Variants in PCLO observed in about 807,000 individuals in gnomAD.
PCLO encodes the protein protein piccolo.
In PCLO, 82 loss-of-function variants were observed where a neutral mutation model predicts 427.5. The observed-to-expected ratio is 0.19, with a 90% confidence interval of 0.16 to 0.23. The LOEUF (loss-of-function observed/expected upper bound fraction) is 0.23. PCLO is among the 10% of genes least tolerant of loss of function. The pLI is 1.00. For missense variants in PCLO, 6,239 were observed against 6,115.9 expected, an observed-to-expected ratio of 1.02 and a Z score of -0.67; for synonymous variants, 2,357 against 2,155.4, an observed-to-expected ratio of 1.09 and a Z score of -2.59.
In PCLO at chr7:82,842,871, CA is replaced by C. The variant is rs1261935481; in HGVS notation, c.14047-1363del. 2.0e-5 allele frequency among the ~76,000 whole-genome samples: 3 copies of C among 152,092 alleles called. No individual in the cohort carries two copies. In the East Asian group the frequency reaches 5.8e-4, roughly 29 times the overall value. On this transcript the variant is annotated intron_variant, in intron 13 of 24. Coordinates refer to ENST00000333891, the MANE Select transcript of PCLO (RefSeq NM_033026.6). Reference sequence around the variant, plus strand: ...CAATGAGATATCAACTCACCCCAGTCAAAATGGCTGTTATCCAAAAGAAAAA... The same window carrying C: ...CAATGAGATATCAACTCACCCCAGTCAAATGGCTGTTATCCAAAAGAAAAA...
At chr7:82,957,035 T>C in intron 4 of PCLO, 100 bp from the exon 5 acceptor site, 2 of 1,282,298 alleles carry the variant, frequency 1.6e-6, no homozygotes, top group Admixed American at 3.6e-5. Context: ...TGAAAAATAA[T>C]TTTGGAAAAT....
At chr7:82,798,518 T>C (rs965858911) in intron 22 of PCLO, among the ~76,000 whole-genome samples, 1 of 152,194 alleles carries the variant, frequency 6.6e-6, no homozygotes, top group Non-Finnish European at 1.5e-5. Flanking sequence ...GTTGATTCCA[T>C]ATTTCTACGT....
chr7:82,892,308 C>G (rs1038866515), intron 9 of PCLO, among the ~76,000 whole-genome samples: 9 of 151,948 alleles, frequency 5.9e-5, no homozygotes, highest in African/African-American at 1.5e-4. Context: ...ACAAACCTGA[C>G]AAAAACAAGA....
intron 10 of PCLO, chr7:82,868,005 G>T: frequency 2.7e-6 from 1 of 373,230 alleles, no homozygotes; most frequent in Non-Finnish European, 5.2e-6. Context: ...ATATATATTA[G>T]AAAATCTTCA....
intron 13 of PCLO, among the ~76,000 whole-genome samples, chr7:82,844,116 T>C (rs1410943409): frequency 6.6e-6 from 1 of 152,186 alleles, no homozygotes; most frequent in African/African-American, 2.4e-5. Context: ...TTCAAATATG[T>C]TCAAATTGTA....
intron 3 of PCLO, among the ~76,000 whole-genome samples, chr7:83,070,318 C>A (rs1294649555): frequency 6.6e-6 from 1 of 152,118 alleles, no homozygotes; most frequent in Non-Finnish European, 1.5e-5. Flanking sequence ...GCAAGAACAA[C>A]CTTCTTCCGA....
At position 83,155,055 on chromosome 7, in the gene PCLO, G is replaced by T; in HGVS notation, c.1586C>A (p.Pro529His). The change falls in exon 2 of 25, where the codon CCC becomes CAC. Residue 529 changes from proline (P) to histidine (H), a missense_variant. Physicochemically the swap from Pro to His is moderately conservative, Grantham distance 77. Around this residue, in one of 5 missense-constraint regions of PCLO, gnomAD observed 4,677 missense variants for 4,468.4 expected, o/e 1.05. Coordinates refer to ENST00000333891, the MANE Select transcript of PCLO (RefSeq NM_033026.6). ...PSPQQPGSTK[P>H]PSQQPGSAKP... is the part of the protein sequence containing the mutation. ...TGCTGAGCCAGGCTGTTGAGATGGGGGTTTTGTTGAGCCAGGCTGTTGAGG... is the reference window on the plus strand; with the variant it reads ...TGCTGAGCCAGGCTGTTGAGATGGGTGTTTTGTTGAGCCAGGCTGTTGAGG... The T allele has an allele frequency of 6.2e-7, 1 of 1,613,458 alleles. No individual in the cohort carries two copies. The highest frequency in any genetic ancestry group is 8.5e-7 in the Non-Finnish European group (1 of 1,179,720).
intron 3 of PCLO, among the ~76,000 whole-genome samples, chr7:83,095,854 T>G (rs1450920819): frequency 2.6e-5 from 4 of 152,056 alleles, no homozygotes; most frequent in Non-Finnish European, 5.9e-5. Context: ...ATATGTTATT[T>G]CTTAGAATAC....
At chr7:82,800,855 G>A (rs1277269279) in intron 22 of PCLO, among the ~76,000 whole-genome samples, 1 of 151,986 alleles carries the variant, frequency 6.6e-6, no homozygotes, top group Non-Finnish European at 1.5e-5. Flanking sequence ...AAAGTGCTGG[G>A]ATTTCAGGCG....
chr7:82,955,061 C>A lies in PCLO; in HGVS notation c.5892G>T (p.Thr1964=). The A allele has an allele frequency of 6.2e-7, 1 of 1,613,772 alleles. No homozygotes were observed. Among genetic ancestry groups the A allele is most frequent in the Non-Finnish European group, 8.5e-7 (1 of 1,179,866 alleles). Residue 1964 remains threonine, a synonymous_variant, in exon 5 of 25, where the codon ACG becomes ACT. Transcript: ENST00000333891. ...GACTGCCATCTACCGATCCATTGTA[C>A]GTGTCTTCTACTAAAGATTCATAAA... is the stretch of plus-strand genomic sequence containing the variant. ...DYIYESLVED[T]YNGSVDGSLL...
At chr7:83,097,859 C>T (rs1790635123) in intron 3 of PCLO, among the ~76,000 whole-genome samples, 1 of 151,880 alleles carries the variant, frequency 6.6e-6, no homozygotes, top group Non-Finnish European at 1.5e-5. Context: ...AACATCTTCA[C>T]TATACATACT....
chr7:83,004,865 A>T (rs577034106), intron 3 of PCLO, among the ~76,000 whole-genome samples: 1 of 151,802 alleles, frequency 6.6e-6, no homozygotes, highest in Admixed American at 6.6e-5. Flanking sequence ...TGGGCAAAGG[A>T]CATGGATAGT....
At chr7:82,878,508 C>T (rs1300910479) in intron 10 of PCLO, among the ~76,000 whole-genome samples, 2 of 152,054 alleles carry the variant, frequency 1.3e-5, no homozygotes, top group Non-Finnish European at 2.9e-5. Context: ...ACCTTGCAAA[C>T]TATATTTATG....
At position 83,162,519 on chromosome 7, in the gene PCLO, C is replaced by T. The variant is rs1367507976; in HGVS notation, c.74G>A (p.Gly25Glu). ...GLAAAAAAGG[G>E]ASGAGSPSHT... ...AGAGGGGCTCCCCGCCCCGCTAGCT[C>T]CTCCTCCAGCCGCTGCGGCCGCCGC... The change falls in exon 1 of 25, where the codon GGA becomes GAA. Residue 25 changes from glycine to glutamate, a missense_variant. Physicochemically the swap from Gly to Glu is moderately conservative, Grantham distance 98. Around this residue, in one of 5 missense-constraint regions of PCLO, gnomAD observed 4,677 missense variants for 4,468.4 expected, o/e 1.05. Coordinates refer to ENST00000333891, the MANE Select transcript of PCLO (RefSeq NM_033026.6). 1 of 1,558,274 alleles carries T rather than the reference C, an allele frequency of 6.4e-7. No individual in the cohort carries two copies. Among genetic ancestry groups the T allele is most frequent in the South Asian group, 1.2e-5 (1 of 84,676 alleles).
chr7:83,093,477 G>GTGTGT lies in PCLO; in HGVS notation c.3300+40772_3300+40773insACACA, dbSNP rs1209162419. Among the ~76,000 whole-genome samples, 13 of 92,172 alleles carry GTGTGT rather than the reference G, an allele frequency of 1.4e-4. No individual in the cohort carries two copies. The South Asian group carries it at 1.7e-3, about 12-fold the overall frequency. The allele number at this position is 92,172 out of a possible 152,430, so 60.5% of individuals were successfully genotyped here. A position where few individuals can be genotyped will look rare whatever the true frequency, so the allele number is the denominator to read the frequency against. On this transcript the variant is annotated intron_variant, in intron 3 of 24. Coordinates refer to ENST00000333891, the MANE Select transcript of PCLO (RefSeq NM_033026.6). Reference sequence around the variant, plus strand: ...AAACATATATATGTGTGTGTGTATAGATATATATATATATATTTTTTTTTT... The same window carrying GTGTGT: ...AAACATATATATGTGTGTGTGTATAGTGTGTATATATATATATATATTTTTTTTTT...
intron 9 of PCLO, among the ~76,000 whole-genome samples, chr7:82,885,292 G>A (rs1419653876): frequency 6.6e-6 from 1 of 152,130 alleles, no homozygotes; most frequent in East Asian, 1.9e-4. Context: ...GTCCCTGGCT[G>A]ATAGCAAGAG....
chr7:83,123,938 A>G (rs1347106771), intron 3 of PCLO, among the ~76,000 whole-genome samples: 2 of 135,650 alleles, frequency 1.5e-5, no homozygotes, highest in Non-Finnish European at 3.1e-5. Flanking sequence ...CTAAAAATAC[A>G]AGAGAGAAAC....
chr7:83,140,700 C>T (rs1421585957), intron 2 of PCLO, among the ~76,000 whole-genome samples: 1 of 152,220 alleles, frequency 6.6e-6, no homozygotes, highest in Non-Finnish European at 1.5e-5. Context: ...TAGAACCCTA[C>T]TTTGTACCTT....
intron 7 of PCLO, among the ~76,000 whole-genome samples, chr7:82,911,417 A>G (rs1794317250): frequency 6.6e-6 from 1 of 152,042 alleles, no homozygotes. Context: ...ATTAGTTCAA[A>G]TCGTTTGAAG....
Sources: gnomAD v4.1 joint callset for allele counts (sites outside exome capture counted in the v4.1 genomes callset) on GRCh38, gnomAD v4.1.1 for gene constraint, gnomAD v4.1.1 regional missense constraint, MANE v1.5 for transcripts, NCBI Gene and HGNC (gene_info 2026-07-23, HGNC 2026-07-21) for gene names.